Variants in CACNG3 observed in about 807,000 individuals in gnomAD.
CACNG3 encodes the protein calcium voltage-gated channel auxiliary subunit gamma 3.
In CACNG3, 3 loss-of-function variants were observed where a neutral mutation model predicts 28.5. That is an observed-to-expected ratio of 0.11 (90% confidence interval 0.05 to 0.27). The LOEUF is 0.27. CACNG3 is among the 10% of genes least tolerant of loss of function. The pLI is 1.00. For missense variants in CACNG3, 236 were observed against 414.4 expected (o/e 0.57, Z 3.74); for synonymous variants, 174 against 162.2 (o/e 1.07, Z -0.55).
intron 1 of CACNG3, among the ~76,000 whole-genome samples, chr16:24,314,217 C>T (rs1029733046): frequency 9.2e-5 from 14 of 152,020 alleles, no homozygotes; most frequent in Non-Finnish European, 1.0e-4. Context: ...TTATGGGGTC[C>T]AGCACGAAAT....
chr16:24,359,654 G>A (rs995757968), intron 3 of CACNG3, among the ~76,000 whole-genome samples: 5 of 151,958 alleles, frequency 3.3e-5, no homozygotes, highest in African/African-American at 1.2e-4. Flanking sequence ...TTGAGGCCAG[G>A]AGTTCAAAAC....
At chr16:24,305,440 C>A (rs1051757079) in intron 1 of CACNG3, among the ~76,000 whole-genome samples, 9 of 151,238 alleles carry the variant, frequency 6.0e-5, no homozygotes, top group African/African-American at 1.7e-4. Flanking sequence ...CTCACTGCAG[C>A]CTCCAACTCC....
At chr16:24,310,504 C>T (rs1414574428) in intron 1 of CACNG3, among the ~76,000 whole-genome samples, 1 of 152,146 alleles carries the variant, frequency 6.6e-6, no homozygotes, top group Non-Finnish European at 1.5e-5. Flanking sequence ...ATGGAGGTTG[C>T]AGTGAGTCGA....
At chr16:24,313,656 T>TATAA (rs1236721923) in intron 1 of CACNG3, among the ~76,000 whole-genome samples, 2 of 152,092 alleles carry the variant, frequency 1.3e-5, no homozygotes, top group African/African-American at 2.4e-5. Context: ...GACAAGGTCT[T>TATAA]ATAATTTTCT....
At chr16:24,259,524 G>A (rs573538044) in intron 1 of CACNG3, among the ~76,000 whole-genome samples, 43 of 152,192 alleles carry the variant, frequency 2.8e-4, no homozygotes, top group African/African-American at 8.4e-4. Flanking sequence ...GGGGGTTTTC[G>A]TAGCTCCATT....
chr16:24,313,464 T>C (rs191834099), intron 1 of CACNG3, among the ~76,000 whole-genome samples: 83 of 152,282 alleles, frequency 5.5e-4, no homozygotes, highest in Middle Eastern at 3.4e-3. Flanking sequence ...TTTTATGTTT[T>C]TGATTTTTTT....
At chr16:24,271,399 G>A (rs1016941888) in intron 1 of CACNG3, among the ~76,000 whole-genome samples, 14 of 152,108 alleles carry the variant, frequency 9.2e-5, no homozygotes, top group Non-Finnish European at 2.1e-4. Context: ...TTTTTTAAAT[G>A]ACGTTGATGT....
intron 1 of CACNG3, among the ~76,000 whole-genome samples, chr16:24,339,553 T>C (rs1899756100): frequency 6.6e-6 from 1 of 152,182 alleles, no homozygotes; most frequent in Admixed American, 6.5e-5. Context: ...GCCCAGCTAA[T>C]TTTTGTATTT....
rs757999426 is a variant in CACNG3 at position 24,361,720 on chromosome 16, C to G, written c.805C>G (p.Arg269Gly). 6.2e-7 allele frequency: 1 copy of G among 1,613,910 alleles called. No homozygotes were observed. The highest frequency in any genetic ancestry group is 2.2e-5 in the East Asian group (1 of 44,888). The change falls in exon 4 of 4, where the codon CGG becomes GGG. Residue 269 changes from arginine (R) to glycine (G), a missense_variant. This residue lies in a region of CACNG3 where 116 missense variants were observed against 151.0 expected (regional missense o/e 0.77). Coordinates refer to ENST00000005284, the MANE Select transcript of CACNG3 (RefSeq NM_006539.4). The surrounding 1 kb of genome is among the most constrained non-coding windows in gnomAD (Gnocchi z 6.8). ...STDISMFTLS[R>G]DPSKITMGTL... ...TGACATCTCGATGTTCACCCTCTCC[C>G]GGGACCCCTCAAAGATCACCATGGG...
At chr16:24,299,290 T>G (rs1899075125) in intron 1 of CACNG3, among the ~76,000 whole-genome samples, 1 of 152,228 alleles carries the variant, frequency 6.6e-6, no homozygotes, top group South Asian at 2.1e-4. Context: ...AATACTGCAT[T>G]GTTTATTTTA....
chr16:24,274,222 C>T (rs1272775078), intron 1 of CACNG3, among the ~76,000 whole-genome samples: 2 of 151,554 alleles, frequency 1.3e-5, no homozygotes, highest in South Asian at 4.2e-4. Flanking sequence ...AACTCAACCT[C>T]TACTACCAGA....
chr16:24,289,319 A>G (rs1898935387), intron 1 of CACNG3, among the ~76,000 whole-genome samples: 1 of 152,206 alleles, frequency 6.6e-6, no homozygotes, highest in East Asian at 1.9e-4. Context: ...AAAAAAAAGA[A>G]AAAGAAAAAA....
intron 1 of CACNG3, among the ~76,000 whole-genome samples, chr16:24,309,899 C>T (rs1429326445): frequency 6.6e-6 from 1 of 152,120 alleles, no homozygotes; most frequent in African/African-American, 2.4e-5. Flanking sequence ...AGAGCTGGAT[C>T]ACAGAAGGTG....
chr16:24,296,914 C>T (rs1201055688), intron 1 of CACNG3, among the ~76,000 whole-genome samples: 1 of 152,152 alleles, frequency 6.6e-6, no homozygotes, highest in Non-Finnish European at 1.5e-5. Flanking sequence ...AGAGTGCAGC[C>T]ACAAGCAATG....
chr16:24,332,150 A>C (rs188374315), intron 1 of CACNG3, among the ~76,000 whole-genome samples: 45 of 152,328 alleles, frequency 3.0e-4, no homozygotes, highest in African/African-American at 1.1e-3. Flanking sequence ...GTGCCTCTCC[A>C]GATATCTATT....
intron 1 of CACNG3, among the ~76,000 whole-genome samples, chr16:24,260,254 T>A (rs1358972135): frequency 1.3e-5 from 2 of 152,230 alleles, no homozygotes; most frequent in East Asian, 3.8e-4. Flanking sequence ...TATATTTGAC[T>A]CCTGAATTAC....
intron 1 of CACNG3, among the ~76,000 whole-genome samples, chr16:24,344,056 G>A (rs1899825315): frequency 6.6e-6 from 1 of 152,034 alleles, no homozygotes; most frequent in Non-Finnish European, 1.5e-5. Context: ...CTCCAGTCTG[G>A]GCGAGATTCC....
intron 1 of CACNG3, among the ~76,000 whole-genome samples, chr16:24,318,849 G>A (rs960787962): frequency 1.3e-5 from 2 of 152,124 alleles, no homozygotes; most frequent in African/African-American, 4.8e-5. Flanking sequence ...CTTCTACCAG[G>A]CAGGCAACCC....
At chr16:24,286,339 G>A (rs957768076) in intron 1 of CACNG3, among the ~76,000 whole-genome samples, 1 of 151,590 alleles carries the variant, frequency 6.6e-6, no homozygotes, top group African/African-American at 2.4e-5. Context: ...ATATTGACAG[G>A]TTATTATCCT....
Sources: gnomAD v4.1 joint callset for allele counts (sites outside exome capture counted in the v4.1 genomes callset) on GRCh38, gnomAD v4.1.1 for gene constraint, gnomAD v4.1.1 regional missense constraint, Gnocchi (gnomAD v3.1) non-coding constraint, MANE v1.5 for transcripts, NCBI Gene and HGNC (gene_info 2026-07-23, HGNC 2026-07-21) for gene names.